Variants in AXDND1 observed in about 807,000 individuals in gnomAD.
AXDND1 encodes axonemal dynein light chain domain-containing protein 1.
Under a neutral mutation model 137.5 loss-of-function variants are expected in AXDND1, and 110 were observed. The ratio of observed to expected loss-of-function variants is 0.80; its 90% CI spans 0.69 to 0.94. AXDND1 has a LOEUF of 0.94. Among genes scored for constraint, AXDND1 ranks in the 40% least tolerant of loss-of-function variants. AXDND1 has a pLI of 0.00. For synonymous variants in AXDND1, 414 were observed against 399.7 expected (o/e 1.04, Z -0.43); for missense variants, 1,191 against 1,169.8 (o/e 1.02, Z -0.26).
chr1:179,516,318 T>C (rs1486207833), intron 21 of AXDND1, among the ~76,000 whole-genome samples: 1 of 152,230 alleles, frequency 6.6e-6, no homozygotes, highest in Admixed American at 6.5e-5. Flanking sequence ...GCTTTTTCTT[T>C]ATGCCATCTA....
intron 12 of AXDND1, among the ~76,000 whole-genome samples, chr1:179,427,103 G>A (rs1164465158): frequency 6.6e-6 from 1 of 152,216 alleles, no homozygotes; most frequent in Non-Finnish European, 1.5e-5. Context: ...GGCAGAGGTT[G>A]CAGTAAGCCG....
chr1:179,372,847 C>T (rs1428900091), intron 4 of AXDND1, among the ~76,000 whole-genome samples: 1 of 152,024 alleles, frequency 6.6e-6, no homozygotes, highest in African/African-American at 2.4e-5. Context: ...CCATGCCCAG[C>T]TAATTTTGTA....
chr1:179,375,626 CAT>C (rs61682649), intron 4 of AXDND1, among the ~76,000 whole-genome samples: 16,168 of 145,742 alleles, frequency 0.11, 985 homozygotes, highest in African/African-American at 0.15. Context: ...TCTACACACA[CAT>C]ATATGTACAT....
chr1:179,394,696 A>G (rs1219383255), intron 10 of AXDND1, among the ~76,000 whole-genome samples: 2 of 152,202 alleles, frequency 1.3e-5, no homozygotes, highest in Non-Finnish European at 2.9e-5. Context: ...CTCAAAGAGA[A>G]TAAGTATCAT....
At position 179,366,506 on chromosome 1, in the gene AXDND1, T is replaced by C. The variant is rs779630668; in HGVS notation, c.-4T>C. Reference sequence around the variant, plus strand: ...TACTAAAGAGATAGGAGGCATTGTTTATTATGTCTCTCCCGAAAACGCCCT... The same window carrying C: ...TACTAAAGAGATAGGAGGCATTGTTCATTATGTCTCTCCCGAAAACGCCCT... On this transcript the variant is annotated 5_prime_UTR_variant, in exon 2 of 26. Transcript: ENST00000367618. The C allele has an allele frequency of 6.8e-6, 11 of 1,606,134 alleles. No individual in the cohort carries two copies. The South Asian group carries it at 8.8e-5, about 13-fold the overall frequency.
intron 4 of AXDND1, among the ~76,000 whole-genome samples, chr1:179,375,854 C>A (rs1184627304): frequency 6.6e-6 from 1 of 152,104 alleles, no homozygotes; most frequent in Non-Finnish European, 1.5e-5. Context: ...TCCAAGAGAA[C>A]CAGAATATCA....
chr1:179,421,538 C>T (rs1655735797), intron 12 of AXDND1, among the ~76,000 whole-genome samples: 1 of 151,618 alleles, frequency 6.6e-6, no homozygotes, highest in Non-Finnish European at 1.5e-5. Flanking sequence ...TGTGCACCAC[C>T]ATGCCTGGCT....
At chr1:179,419,765 T>A (rs983523277) in intron 12 of AXDND1, among the ~76,000 whole-genome samples, 1 of 152,200 alleles carries the variant, frequency 6.6e-6, no homozygotes, top group Non-Finnish European at 1.5e-5. Flanking sequence ...GCAATTGGTA[T>A]ATATAAATCC....
intron 14 of AXDND1, 49 bp from the exon 15 acceptor site, chr1:179,432,218 T>C: frequency 6.7e-7 from 1 of 1,484,332 alleles, no homozygotes; most frequent in Non-Finnish European, 9.0e-7. Flanking sequence ...GATGATCTTG[T>C]TTATGTCTTG....
chr1:179,367,206 A>G (rs1667517312), intron 2 of AXDND1, among the ~76,000 whole-genome samples: 1 of 150,282 alleles, frequency 6.7e-6, no homozygotes, highest in Non-Finnish European at 1.5e-5. Flanking sequence ...GGGAGACAAG[A>G]GCAAGACCCC....
At chr1:179,402,257 T>A (rs1022899503) in intron 11 of AXDND1, among the ~76,000 whole-genome samples, 1 of 152,180 alleles carries the variant, frequency 6.6e-6, no homozygotes, top group Admixed American at 6.5e-5. Context: ...TTATTCAATT[T>A]TTGCCTACTC....
intron 12 of AXDND1, among the ~76,000 whole-genome samples, chr1:179,427,463 T>C (rs985227465): frequency 1.3e-5 from 2 of 152,200 alleles, no homozygotes; most frequent in African/African-American, 4.8e-5. Flanking sequence ...CATTATGCCA[T>C]GTACTGGTTG....
intron 16 of AXDND1, chr1:179,447,679 C>A (rs923575295): frequency 8.2e-6 from 11 of 1,348,160 alleles, no homozygotes; most frequent in Non-Finnish European, 1.2e-5. Flanking sequence ...AAGATTACTG[C>A]CACCTGGTGG....
rs376492206 is a variant in AXDND1 at position 179,534,863 on chromosome 1, A to G, written c.2932A>G (p.Lys978Glu). Residue 978 changes from lysine to glutamate, a missense_variant, in exon 25 of 26, where the codon AAA (lysine) becomes GAA (glutamate). Lys to Glu is a moderately conservative substitution (Grantham distance 56). Transcript: ENST00000367618. ...MTSRKESKEE[K>E]ENQDEREVKE... ...ATCAAGAAAGGAGTCTAAAGAAGAGAAAGAAAATCAAGATGAAAGAGAAGT... is the reference window on the plus strand; with the variant it reads ...ATCAAGAAAGGAGTCTAAAGAAGAGGAAGAAAATCAAGATGAAAGAGAAGT... The G allele has an allele frequency of 6.8e-6, 11 of 1,610,984 alleles. No homozygotes were observed. The Admixed American group carries it at 1.7e-4, about 25-fold the overall frequency.
intron 16 of AXDND1, chr1:179,455,600 AAAAAAAAAAAAAAATT>A (rs1661269820): frequency 6.6e-6 from 1 of 152,116 alleles, no homozygotes; most frequent in African/African-American, 2.4e-5. Context: ...TCTCAAAAAA[AAAAAAAAAAAAAAATT>A]AAAAAAAAAA....
intron 1 of AXDND1, 119 bp from the exon 2 acceptor site, chr1:179,366,285 G>A: frequency 2.4e-6 from 1 of 409,386 alleles, no homozygotes; most frequent in Non-Finnish European, 4.5e-6. Flanking sequence ...CCAGAACATA[G>A]AGGTCGCCCC....
At chr1:179,450,906 A>G (rs1312675113) in intron 16 of AXDND1, 1 of 152,260 alleles carries the variant, frequency 6.6e-6, no homozygotes, top group Non-Finnish European at 1.5e-5. Context: ...CCTGGGTGAC[A>G]GAGAGAGACA....
At chr1:179,432,992 A>T (rs931412382) in intron 15 of AXDND1, among the ~76,000 whole-genome samples, 1 of 152,200 alleles carries the variant, frequency 6.6e-6, no homozygotes, top group Non-Finnish European at 1.5e-5. Context: ...AAATATTCTC[A>T]GTTCTATTTC....
chr1:179,413,629 T>G (rs1375090625), intron 12 of AXDND1, among the ~76,000 whole-genome samples: 1 of 152,248 alleles, frequency 6.6e-6, no homozygotes, highest in East Asian at 1.9e-4. Context: ...CACATTTTCT[T>G]TACCCAATTA....
Sources: gnomAD v4.1 joint callset for allele counts (sites outside exome capture counted in the v4.1 genomes callset) on GRCh38, gnomAD v4.1.1 for gene constraint, MANE v1.5 for transcripts, NCBI Gene and HGNC (gene_info 2026-07-23, HGNC 2026-07-21) for gene names.